SLC12A1: variants seen among roughly 807,000 people sequenced by gnomAD.
SLC12A1 encodes solute carrier family 12 member 1.
In SLC12A1, 89 loss-of-function variants were observed where a neutral mutation model predicts 130.4. The observed-to-expected ratio is 0.68, with a 90% CI of 0.58 to 0.81. The LOEUF is 0.81. Among genes scored for constraint, SLC12A1 ranks in the 40% least tolerant of loss-of-function variants. The pLI, the probability that SLC12A1 is intolerant of heterozygous loss-of-function variation, is 0.00. For synonymous variants in SLC12A1, 499 were observed against 460.0 expected, an observed-to-expected ratio of 1.08 and a Z score of -1.09; for missense variants, 1,310 against 1,336.4, an observed-to-expected ratio of 0.98 and a Z score of 0.31.
At chr15:48,288,373 C>T in intron 22 of SLC12A1, 32 bp from the exon 23 acceptor site, 1 of 1,194,302 alleles carries the variant, frequency 8.4e-7, no homozygotes, top group Non-Finnish European at 1.2e-6. Context: ...TTTAGATATA[C>T]TCATTGTGTC....
chr15:48,249,575 C>CG lies in SLC12A1; in HGVS notation c.1687dup (p.Glu563GlyfsTer21), dbSNP rs865973286. 1.9e-6 allele frequency: 3 copies of CG among 1,611,598 alleles called. No individual in the cohort carries two copies. Among genetic ancestry groups the CG allele is most frequent in the Non-Finnish European group, 2.5e-6 (3 of 1,177,742 alleles). ...ATGTTCAATTCTGTTACTTTTACAG[C>CG]GGAACTGAACACCATTGCTCCCATC... On this transcript the variant is annotated frameshift_variant and splice_region_variant, in exon 14 of 27. Transcript: ENST00000380993. LOFTEE classifies it high-confidence loss of function.
intron 4 of SLC12A1, 58 bp from the exon 5 acceptor site, chr15:48,226,418 T>C: frequency 9.4e-7 from 1 of 1,065,078 alleles, no homozygotes; most frequent in South Asian, 1.5e-5. Flanking sequence ...TTTGCAGCAA[T>C]AGGGAATCCA....
intron 2 of SLC12A1, chr15:48,217,941 G>C (rs1306314823): frequency 2.0e-5 from 3 of 150,814 alleles, no homozygotes; most frequent in Non-Finnish European, 4.4e-5. Flanking sequence ...CAAGTAGATG[G>C]GACTAGAGGT....
intron 26 of SLC12A1, among the ~76,000 whole-genome samples, chr15:48,302,316 G>T (rs1021584333): frequency 6.6e-6 from 1 of 152,040 alleles, no homozygotes. Context: ...TCATCTTGGG[G>T]TGGCGTAAAA....
chr15:48,206,757 T>C (rs1297788193), intron 1 of SLC12A1, among the ~76,000 whole-genome samples: 17 of 152,210 alleles, frequency 1.1e-4, no homozygotes, highest in Admixed American at 1.1e-3. Flanking sequence ...TTCATTAAAA[T>C]GAGTCAGTAG....
intron 9 of SLC12A1, among the ~76,000 whole-genome samples, chr15:48,239,249 T>C (rs1276087015): frequency 1.3e-5 from 2 of 152,154 alleles, no homozygotes. Context: ...TGGTGGCTCA[T>C]GCTTATAATC....
chr15:48,304,067 A>C lies in SLC12A1; in HGVS notation c.*1182A>C, dbSNP rs951085331. ...GAAAATATGAACCTGAAATAAAAGC[A>C]CTCAAATTCAATTGCTTTGGCCTAG... is the stretch of plus-strand genomic sequence containing the variant. On this transcript the variant is annotated 3_prime_UTR_variant, in exon 27 of 27. Transcript: ENST00000380993. The C allele has an allele frequency of 2.0e-5, 3 of 152,218 alleles. No homozygotes were observed. The highest frequency in any genetic ancestry group is 4.4e-5 in the Non-Finnish European group (3 of 68,044). 9.4% of individuals were successfully genotyped at this position (152,218 alleles called of 1,614,324 possible). A position where few individuals can be genotyped will look rare whatever the true frequency, so the allele number is the denominator to read the frequency against.
At chr15:48,276,063 G>A (rs565582321) in intron 20 of SLC12A1, among the ~76,000 whole-genome samples, 1 of 152,268 alleles carries the variant, frequency 6.6e-6, no homozygotes, top group South Asian at 2.1e-4. Context: ...AAAGTATTTT[G>A]CAGGTACAAA....
intron 10 of SLC12A1, among the ~76,000 whole-genome samples, chr15:48,242,561 G>T (rs992515225): frequency 8.5e-5 from 13 of 152,162 alleles, no homozygotes; most frequent in Non-Finnish European, 1.9e-4. Context: ...CCACTAATTT[G>T]GGGGGCTGAG....
At position 48,302,352 on chromosome 15, in the gene SLC12A1, G is replaced by C. The variant is rs1040297093; in HGVS notation, c.3165-398G>C. Among the ~76,000 whole-genome samples the C allele has an allele frequency of 5.3e-5, 8 of 151,956 alleles. No homozygotes were observed. The East Asian group carries it at 1.4e-3, about 26-fold the overall frequency. ...ATTAAGGCTGCCGGCCGGGCGCGGT[G>C]GCTCACGCCTGCAATCCCAGCACTT... On this transcript the variant is annotated intron_variant, in intron 26 of 26. Transcript: ENST00000380993.
At chr15:48,217,888 C>G (rs533170330) in intron 2 of SLC12A1, 36 of 152,570 alleles carry the variant, frequency 2.4e-4, no homozygotes, top group African/African-American at 7.9e-4. Flanking sequence ...TTCACTGCAG[C>G]CTTGACCTCC....
chr15:48,276,879 G>A (rs2041959382), intron 20 of SLC12A1, among the ~76,000 whole-genome samples: 1 of 152,180 alleles, frequency 6.6e-6, no homozygotes, highest in African/African-American at 2.4e-5. Flanking sequence ...GGAGTACAGT[G>A]CTCAAAATGG....
Position 48,207,534 on chromosome 15 carries a change from C to G in SLC12A1, c.-186C>G. The G allele has an allele frequency of 2.2e-6, 1 of 447,184 alleles. No homozygotes were observed. Among genetic ancestry groups the G allele is most frequent in the Non-Finnish European group, 3.8e-6 (1 of 260,560 alleles). 27.7% of individuals were successfully genotyped at this position (447,184 alleles called of 1,614,324 possible). A position where few individuals can be genotyped will look rare whatever the true frequency, so the allele number is the denominator to read the frequency against. ...GTTTAATTTTCTTTTTCAATGACAG[C>G]TTTGAAGAACATCCTGAAGATTATA... On this transcript the variant is annotated splice_region_variant and 5_prime_UTR_variant, in exon 2 of 27. Transcript: ENST00000380993.
intron 9 of SLC12A1, chr15:48,237,479 T>G (rs2041453039): frequency 6.6e-6 from 1 of 152,338 alleles, no homozygotes; most frequent in Non-Finnish European, 1.5e-5. Context: ...GTTGTTATGT[T>G]AGTGAAGAAG....
At chr15:48,269,528 C>T in intron 18 of SLC12A1, 130 bp from the exon 19 acceptor site, 1 of 519,412 alleles carries the variant, frequency 1.9e-6, no homozygotes, top group South Asian at 3.0e-5. Context: ...AGGACATGCA[C>T]TAAAATGTAA....
chr15:48,283,526 A>T (rs547195839), intron 20 of SLC12A1, among the ~76,000 whole-genome samples: 4 of 152,356 alleles, frequency 2.6e-5, no homozygotes, highest in African/African-American at 9.6e-5. Context: ...GGGTGATTTG[A>T]CCTTAAATCT....
At chr15:48,231,807 G>A (rs2041382951) in intron 7 of SLC12A1, among the ~76,000 whole-genome samples, 1 of 152,160 alleles carries the variant, frequency 6.6e-6, no homozygotes, top group Non-Finnish European at 1.5e-5. Context: ...CACGAGGTCA[G>A]GAGTTCGAGG....
At chr15:48,288,320 A>G in intron 22 of SLC12A1, 85 bp from the exon 23 acceptor site, 1 of 1,050,548 alleles carries the variant, frequency 9.5e-7, no homozygotes, top group Non-Finnish European at 1.4e-6. Context: ...AGAGCTATCA[A>G]TGTGGTAATG....
At chr15:48,285,887 C>T (rs2042051147) in intron 21 of SLC12A1, among the ~76,000 whole-genome samples, 1 of 152,194 alleles carries the variant, frequency 6.6e-6, no homozygotes, top group South Asian at 2.1e-4. Context: ...AAAATTACTT[C>T]CCGAAACGCT....
Sources: allele counts gnomAD v4.1 joint callset (sites outside exome capture counted in the v4.1 genomes callset), GRCh38; gene constraint gnomAD v4.1.1; transcripts MANE v1.5; gene names NCBI Gene and HGNC (gene_info 2026-07-23, HGNC 2026-07-21).